SUSD5: variants seen among roughly 807,000 people sequenced by gnomAD.
SUSD5 encodes sushi domain-containing protein 5.
In SUSD5, 33 loss-of-function variants were observed where a neutral mutation model predicts 29.5. That is an observed-to-expected ratio of 1.12 (90% CI 0.85 to 1.49). SUSD5 has a LOEUF of 1.49. Among genes scored for constraint, SUSD5 ranks in the 40% most tolerant of loss-of-function variants. The pLI, the probability that SUSD5 is intolerant of heterozygous loss-of-function variation, is 0.00. For missense variants in SUSD5, 776 were observed against 800.6 expected (o/e 0.97, Z 0.37); for synonymous variants, 308 against 325.3 (o/e 0.95, Z 0.57).
chr3:33,171,602 T>G (rs1384836082), intron 4 of SUSD5, among the ~76,000 whole-genome samples: 1 of 152,164 alleles, frequency 6.6e-6, no homozygotes, highest in Non-Finnish European at 1.5e-5. Context: ...CTATTCCGCT[T>G]CATGCAGCAG....
At chr3:33,187,548 TCTC>T (rs1191710884) in intron 3 of SUSD5, among the ~76,000 whole-genome samples, 1 of 152,160 alleles carries the variant, frequency 6.6e-6, no homozygotes, top group Non-Finnish European at 1.5e-5. Context: ...TCACCAATCT[TCTC>T]ATCTTGAACC....
intron 3 of SUSD5, among the ~76,000 whole-genome samples, chr3:33,181,360 T>TC (rs1373747117): frequency 6.6e-6 from 1 of 151,784 alleles, no homozygotes; most frequent in Non-Finnish European, 1.5e-5. Context: ...TCATCTTTTT[T>TC]TTTTTTTTTT....
In SUSD5 at chr3:33,189,505, T is replaced by A. The variant is rs989150244; in HGVS notation, c.410-14431A>T. ...AAAAAAAAAAAAAAAAAAAAAAAATTCTAGAATGAAATGATATAATGTCCT... is the reference window on the plus strand; with the variant it reads ...AAAAAAAAAAAAAAAAAAAAAAAATACTAGAATGAAATGATATAATGTCCT... On this transcript the variant is annotated intron_variant, in intron 3 of 4. Transcript: ENST00000309558. Among the ~76,000 whole-genome samples the A allele has an allele frequency of 3.5e-4, 46 of 131,456 alleles. No individual in the cohort carries two copies. In the East Asian group the frequency reaches 9.6e-3, roughly 27 times the overall value. 86.2% of individuals were successfully genotyped at this position (131,456 alleles called of 152,430 possible). A position where few individuals can be genotyped will look rare whatever the true frequency, so the allele number is the denominator to read the frequency against.
chr3:33,188,152 G>A (rs1436489127), intron 3 of SUSD5, among the ~76,000 whole-genome samples: 1 of 152,122 alleles, frequency 6.6e-6, no homozygotes, highest in African/African-American at 2.4e-5. Context: ...CAAAGCTTCT[G>A]ATAACCAGTG....
intron 3 of SUSD5, among the ~76,000 whole-genome samples, chr3:33,185,849 T>C (rs2031766079): frequency 6.6e-6 from 1 of 152,236 alleles, no homozygotes; most frequent in South Asian, 2.1e-4. Flanking sequence ...TTATAAATAA[T>C]GCTTCAATGA....
At position 33,204,989 on chromosome 3, in the gene SUSD5, CCA is replaced by C. The variant is rs971022610; in HGVS notation, c.409+2817_409+2818del. ...CTCCACACCTCTTCCTCTCTCCACACCACACACACACACGTGTGTGTGTATAC... is the reference window on the plus strand; with the variant it reads ...CTCCACACCTCTTCCTCTCTCCACACCACACACACACGTGTGTGTGTATAC... On this transcript the variant is annotated intron_variant, in intron 3 of 4. Transcript: ENST00000309558. The surrounding 1 kb of genome is among the most constrained non-coding windows in gnomAD (Gnocchi z 4.5). 2.0e-5 allele frequency among the ~76,000 whole-genome samples: 3 copies of C among 151,458 alleles called. No individual in the cohort carries two copies. Among genetic ancestry groups the C allele is most frequent in the Non-Finnish European group, 2.9e-5 (2 of 67,826 alleles).
At chr3:33,211,922 G>C (rs1358394322) in intron 2 of SUSD5, among the ~76,000 whole-genome samples, 1 of 152,042 alleles carries the variant, frequency 6.6e-6, no homozygotes, top group Non-Finnish European at 1.5e-5. Flanking sequence ...TATGAGGTGA[G>C]AGGTGGGGGT....
intron 3 of SUSD5, among the ~76,000 whole-genome samples, chr3:33,181,569 C>T (rs2031674709): frequency 6.6e-6 from 1 of 151,980 alleles, no homozygotes; most frequent in South Asian, 2.1e-4. Flanking sequence ...GACAGGGTTT[C>T]CATATGTTGC....
chr3:33,199,959 G>A (rs138342501), intron 3 of SUSD5, among the ~76,000 whole-genome samples: 1 of 152,180 alleles, frequency 6.6e-6, no homozygotes, highest in Non-Finnish European at 1.5e-5. Context: ...TGTAAAGAAG[G>A]CTCTTGCTAG....
At chr3:33,164,711 C>T (rs9917670) in intron 4 of SUSD5, among the ~76,000 whole-genome samples, 125,973 of 152,070 alleles carry the variant, frequency 0.83, 52,761 homozygotes, top group East Asian at 1. Context: ...GGCAGGAGAA[C>T]TGAATAGGCA....
rs1310318477 is a variant in SUSD5 at position 33,152,815 on chromosome 3, G to C, written c.1817C>G (p.Ser606Cys). ...CTGGCCAACATTCAGCTTGTACACA[G>C]AGCTCTTGTGCTGGCACTTGCGGTA... The part of the protein sequence containing the change: ...WGYRKCQHKS[S>C]VYKLNVGQRQ... The change falls in exon 5 of 5, where the codon TCT becomes TGT. Residue 606 changes from serine to cysteine, a missense_variant. By Grantham distance (112) the Ser-to-Cys change is moderately radical (BLOSUM62 -1). Coordinates refer to ENST00000309558, the MANE Select transcript of SUSD5 (RefSeq NM_015551.2). 8 of 1,613,848 alleles carry C rather than the reference G, an allele frequency of 5.0e-6. No homozygotes were observed. Among genetic ancestry groups the C allele is most frequent in the African/African-American group, 2.7e-5 (2 of 74,904 alleles).
At chr3:33,168,221 C>G (rs1248446178) in intron 4 of SUSD5, among the ~76,000 whole-genome samples, 1 of 152,142 alleles carries the variant, frequency 6.6e-6, no homozygotes, top group Non-Finnish European at 1.5e-5. Flanking sequence ...TGCTGCCTTT[C>G]TGGAAGCCCC....
At position 33,153,244 on chromosome 3, in the gene SUSD5, C is replaced by T. The variant is rs749969583; in HGVS notation, c.1388G>A (p.Gly463Asp). 32 of 1,613,778 alleles carry T rather than the reference C, an allele frequency of 2.0e-5. No homozygotes were observed. The highest frequency in any genetic ancestry group is 2.5e-5 in the Non-Finnish European group (29 of 1,179,880). ...NASETEGIGD[G>D]DLTKYQSTLP... ...AGTTGACTGGTACTTCGTCAAGTCA[C>T]CATCCCCAATGCCCTCAGTCTCGGA... Residue 463 changes from glycine (G) to aspartate (D), a missense_variant, in exon 5 of 5, where the codon GGT becomes GAT. Transcript: ENST00000309558.
chr3:33,160,163 C>T (rs72859127), intron 4 of SUSD5, among the ~76,000 whole-genome samples: 2 of 152,298 alleles, frequency 1.3e-5, no homozygotes, highest in African/African-American at 4.8e-5. Flanking sequence ...TTTGCAGAGA[C>T]AGCGTCTCAC....
chr3:33,199,343 G>A (rs965102331), intron 3 of SUSD5, among the ~76,000 whole-genome samples: 4 of 151,888 alleles, frequency 2.6e-5, no homozygotes, highest in Admixed American at 6.6e-5. Context: ...GCACAATCTC[G>A]GCTCACTGCA....
chr3:33,193,996 C>T (rs2031947243), intron 3 of SUSD5, among the ~76,000 whole-genome samples: 1 of 152,184 alleles, frequency 6.6e-6, no homozygotes, highest in Non-Finnish European at 1.5e-5. Context: ...GGTTCCTATC[C>T]TCCCCAGTCG....
chr3:33,153,806 CA>C lies in SUSD5; in HGVS notation c.825del (p.Ser277AlafsTer51). ...VFVPTTGLPG[A>X]GSSVPADSPG... is the part of the protein sequence containing the mutation. ...GGTGAATCTGCGGGGACACTGCTCC[CA>C]GCACCAGGCAAGCCTGTGGTTGGCA... On this transcript the variant is annotated frameshift_variant, in exon 5 of 5. Coordinates refer to ENST00000309558, the MANE Select transcript of SUSD5 (RefSeq NM_015551.2). LOFTEE classifies it low-confidence loss of function (END_TRUNC). The C allele has an allele frequency of 6.2e-7, 1 of 1,613,984 alleles. No individual in the cohort carries two copies. The highest frequency in any genetic ancestry group is 8.5e-7 in the Non-Finnish European group (1 of 1,179,856).
In SUSD5 at chr3:33,150,610, C is replaced by G. The variant is rs1420263206; in HGVS notation, c.*2132G>C. On this transcript the variant is annotated 3_prime_UTR_variant, in exon 5 of 5. Coordinates refer to ENST00000309558, the MANE Select transcript of SUSD5 (RefSeq NM_015551.2). The stretch of plus-strand genomic sequence containing the variant: ...CAGAAAGCATTTTATTCCTATTGTT[C>G]TTGACTTCGTCTGATGCACAGGTAT... 6.6e-6 allele frequency: 1 copy of G among 152,110 alleles called. No individual in the cohort carries two copies. Among genetic ancestry groups the G allele is most frequent in the Non-Finnish European group, 1.5e-5 (1 of 68,008 alleles). 9.4% of individuals were successfully genotyped at this position (152,110 alleles called of 1,614,324 possible). A position where few individuals can be genotyped will look rare whatever the true frequency, so the allele number is the denominator to read the frequency against.
At chr3:33,155,237 TAGAC>T (rs2125613242) in intron 4 of SUSD5, among the ~76,000 whole-genome samples, 1 of 152,302 alleles carries the variant, frequency 6.6e-6, no homozygotes, top group East Asian at 1.9e-4. Context: ...CTATACTAAG[TAGAC>T]AGACAAACCA....
Sources: allele counts gnomAD v4.1 joint callset (sites outside exome capture counted in the v4.1 genomes callset), GRCh38; gene constraint gnomAD v4.1.1; non-coding constraint Gnocchi (gnomAD v3.1); transcripts MANE v1.5; gene names NCBI Gene and HGNC (gene_info 2026-07-23, HGNC 2026-07-21).